NKD1: variants seen among roughly 807,000 people sequenced by gnomAD.
The protein encoded by NKD1 is protein naked cuticle homolog 1.
A neutral mutation model predicts 56.0 loss-of-function variants in NKD1; 21 were observed. The ratio of observed to expected loss-of-function variants is 0.38; its 90% CI spans 0.27 to 0.54. The LOEUF is 0.54. NKD1 is among the 20% of genes least tolerant of loss of function. NKD1 has a pLI of 0.82. For synonymous variants in NKD1, 263 were observed against 265.7 expected, an observed-to-expected ratio of 0.99 and a Z score of 0.10; for missense variants, 578 against 642.7, an observed-to-expected ratio of 0.90 and a Z score of 1.09.
Position 50,617,847 on chromosome 16 carries a change from A to G in NKD1, c.260-3755A>G, listed in dbSNP as rs1961997323. Among the ~76,000 whole-genome samples, 5 of 152,244 alleles carry G rather than the reference A, an allele frequency of 3.3e-5. No individual in the cohort carries two copies. The South Asian group carries it at 1.0e-3, about 31-fold the overall frequency. On this transcript the variant is annotated intron_variant, in intron 4 of 9. Coordinates refer to ENST00000268459, the MANE Select transcript of NKD1 (RefSeq NM_033119.5). ...ACTGTCTGTGCCCTGCTCATCAAGC[A>G]CATATCCTGGTGGAAGTAGAGGGTG...
intron 3 of NKD1, among the ~76,000 whole-genome samples, chr16:50,597,772 G>A (rs1158072830): frequency 6.6e-6 from 1 of 152,178 alleles, no homozygotes; most frequent in African/African-American, 2.4e-5. Context: ...CGTGGCAGGC[G>A]GGTGGGATTG....
In NKD1 at chr16:50,632,415, G is replaced by T. The variant is rs777528840; in HGVS notation, c.823+7G>T. The T allele has an allele frequency of 1.2e-6, 2 of 1,614,020 alleles. No individual in the cohort carries two copies. The highest frequency in any genetic ancestry group is 2.2e-5 in the East Asian group (1 of 44,898). ...ACGTCCCAATTTGGGCCTGGTAAGG[G>T]ACTCAAGCACCCTGCAATGGGCGAT... On this transcript the variant is annotated splice_region_variant and intron_variant, in intron 9 of 9. Transcript: ENST00000268459. This position sits in a 1 kb window ranked among gnomAD's most constrained non-coding sequence, Gnocchi z 4.1.
At chr16:50,562,698 GC>G (rs1960660410) in intron 3 of NKD1, among the ~76,000 whole-genome samples, 2 of 152,128 alleles carry the variant, frequency 1.3e-5, no homozygotes, top group South Asian at 4.1e-4. Context: ...CTAGGCAACA[GC>G]TGGGCCGACT....
intron 4 of NKD1, 118 bp from the exon 5 acceptor site, chr16:50,621,484 G>A (rs1007617217): frequency 2.1e-5 from 14 of 656,924 alleles, no homozygotes; most frequent in Admixed American, 8.0e-5. Flanking sequence ...GGGCAGGAGC[G>A]GGCCCAGCCC....
At chr16:50,628,972 T>TA (rs397719878) in intron 6 of NKD1, among the ~76,000 whole-genome samples, 4 of 150,430 alleles carry the variant, frequency 2.7e-5, no homozygotes, top group Non-Finnish European at 3.0e-5. Context: ...TTTTTTTTTT[T>TA]ATTTTAAACA....
intron 3 of NKD1, among the ~76,000 whole-genome samples, chr16:50,586,143 A>C (rs1308893540): frequency 6.6e-6 from 1 of 152,158 alleles, no homozygotes; most frequent in East Asian, 1.9e-4. Flanking sequence ...CCTCCATGCC[A>C]GGTCCATTTC....
chr16:50,606,093 T>A (rs563038397), intron 3 of NKD1: 18 of 150,218 alleles, frequency 1.2e-4, no homozygotes, highest in African/African-American at 4.2e-4. Context: ...AGTCTCACAC[T>A]GTCACCTGGG....
At chr16:50,620,900 G>A (rs1962070878) in intron 4 of NKD1, among the ~76,000 whole-genome samples, 1 of 152,188 alleles carries the variant, frequency 6.6e-6, no homozygotes, top group African/African-American at 2.4e-5. Context: ...GGTGAGCAGA[G>A]GCCAAATGCA....
Position 50,623,698 on chromosome 16 carries a change from C to T in NKD1, c.367-1787C>T. On this transcript the variant is annotated intron_variant, in intron 5 of 9. Transcript: ENST00000268459. The surrounding 1 kb of genome is among the most constrained non-coding windows in gnomAD (Gnocchi z 4.1). ...CAACTCATGTTTCTGAAGCTCAGAC[C>T]CAAGCTGTCTTGGAAACAGGTAAGT... is the stretch of plus-strand genomic sequence containing the variant. 6.6e-6 allele frequency among the ~76,000 whole-genome samples: 1 copy of T among 150,608 alleles called. No individual in the cohort carries two copies.
chr16:50,584,901 C>G (rs992701372), intron 3 of NKD1, among the ~76,000 whole-genome samples: 1 of 152,196 alleles, frequency 6.6e-6, no homozygotes, highest in Non-Finnish European at 1.5e-5. Context: ...GGGCTGTCGT[C>G]TGTAGATCGT....
chr16:50,598,922 G>A lies in NKD1; in HGVS notation c.193-9372G>A, dbSNP rs1427998486. ...GGGGTCAGTGGTGTGGTGGGCAGTG[G>A]TGGGGCAGGATCAGTGGTGTGGTGG... is the stretch of plus-strand genomic sequence containing the variant. On this transcript the variant is annotated intron_variant, in intron 3 of 9. Coordinates refer to ENST00000268459, the MANE Select transcript of NKD1 (RefSeq NM_033119.5). This position sits in a 1 kb window ranked among gnomAD's most constrained non-coding sequence, Gnocchi z 4.2. Among the ~76,000 whole-genome samples the A allele has an allele frequency of 6.6e-6, 1 of 151,606 alleles. No homozygotes were observed. Among genetic ancestry groups the A allele is most frequent in the African/African-American group, 2.4e-5 (1 of 41,232 alleles).
At chr16:50,575,099 T>G (rs1010101017) in intron 3 of NKD1, 2 of 982,916 alleles carry the variant, frequency 2.0e-6, no homozygotes, top group African/African-American at 1.7e-5. Flanking sequence ...GTAGGTGTTT[T>G]TTTTTTTTTT....
At chr16:50,551,183 T>C (rs1275837659) in intron 3 of NKD1, among the ~76,000 whole-genome samples, 1 of 149,210 alleles carries the variant, frequency 6.7e-6, no homozygotes, top group South Asian at 2.2e-4. Flanking sequence ...TAAATAGTAG[T>C]GTTCCCAGCG....
At chr16:50,570,955 A>G (rs961294625) in intron 3 of NKD1, 6 of 985,324 alleles carry the variant, frequency 6.1e-6, no homozygotes, top group Non-Finnish European at 4.8e-6. Flanking sequence ...AGGCTTCTGC[A>G]CTGAGGGCTG....
At chr16:50,608,149 C>G (rs900613805) in intron 3 of NKD1, 145 bp from the exon 4 acceptor site, 4 of 707,540 alleles carry the variant, frequency 5.7e-6, no homozygotes, top group African/African-American at 1.7e-5. Context: ...TGGCACTTAA[C>G]TTTTCAGGTG....
At chr16:50,627,757 T>TAGTC (rs1962255548) in intron 6 of NKD1, among the ~76,000 whole-genome samples, 2 of 152,158 alleles carry the variant, frequency 1.3e-5, no homozygotes, top group South Asian at 2.1e-4. Flanking sequence ...CTGCCCTGTG[T>TAGTC]AGTCAGTGAG....
chr16:50,550,239 C>T (rs914462503), intron 3 of NKD1, among the ~76,000 whole-genome samples: 8 of 152,134 alleles, frequency 5.3e-5, no homozygotes, highest in South Asian at 2.1e-4. Context: ...TGGGACTTGG[C>T]GTTCACAGAT....
At chr16:50,628,919 C>A (rs1342255333) in intron 6 of NKD1, among the ~76,000 whole-genome samples, 1 of 151,940 alleles carries the variant, frequency 6.6e-6, no homozygotes, top group Non-Finnish European at 1.5e-5. Context: ...CTCACTGTGC[C>A]CTCATGTGGT....
intron 3 of NKD1, among the ~76,000 whole-genome samples, chr16:50,603,230 A>T (rs1596734922): frequency 1.3e-5 from 2 of 152,322 alleles, no homozygotes; most frequent in Admixed American, 1.3e-4. Flanking sequence ...TGAGGGTGGG[A>T]CTGGGCCCGG....
Sources: gnomAD v4.1 joint callset for allele counts (sites outside exome capture counted in the v4.1 genomes callset) on GRCh38, gnomAD v4.1.1 for gene constraint, Gnocchi (gnomAD v3.1) non-coding constraint, MANE v1.5 for transcripts, NCBI Gene and HGNC (gene_info 2026-07-23, HGNC 2026-07-21) for gene names.